Variants in CSMD2 observed in about 807,000 individuals in gnomAD.
The protein encoded by CSMD2 is CUB and sushi domain-containing protein 2.
Under a neutral mutation model 398.5 loss-of-function variants are expected in CSMD2, and 130 were observed. That is an observed-to-expected ratio of 0.33 (90% confidence interval 0.28 to 0.38). CSMD2 has a LOEUF of 0.38. Among genes scored for constraint, CSMD2 ranks in the 10% least tolerant of loss-of-function variants. The pLI, the probability that CSMD2 is intolerant of heterozygous loss-of-function variation, is 1.00. For synonymous variants in CSMD2, 1,828 were observed against 1,908.5 expected, an observed-to-expected ratio of 0.96 and a Z score of 1.10; for missense variants, 3,829 against 4,764.9, an observed-to-expected ratio of 0.80 and a Z score of 5.78.
intron 1 of CSMD2, among the ~76,000 whole-genome samples, chr1:34,151,543 G>A (rs1640321661): frequency 6.6e-6 from 1 of 152,122 alleles, no homozygotes; most frequent in East Asian, 1.9e-4. Flanking sequence ...TTCTTGGGAA[G>A]TAGCAGGACT....
chr1:33,887,833 A>G (rs1038735431), intron 5 of CSMD2, among the ~76,000 whole-genome samples: 2 of 152,176 alleles, frequency 1.3e-5, no homozygotes, highest in African/African-American at 2.4e-5. Flanking sequence ...CATTACTTGC[A>G]GCTAATATGA....
chr1:33,792,094 T>C (rs1654390387), intron 11 of CSMD2, among the ~76,000 whole-genome samples: 1 of 152,172 alleles, frequency 6.6e-6, no homozygotes, highest in Admixed American at 6.5e-5. Context: ...GAGTAAAAAC[T>C]GTCAGGGTGG....
chr1:33,534,662 A>G (rs1655592730), intron 62 of CSMD2, among the ~76,000 whole-genome samples: 1 of 152,156 alleles, frequency 6.6e-6, no homozygotes, highest in African/African-American at 2.4e-5. Flanking sequence ...ATGTGTCCCT[A>G]TTACCTACTG....
intron 3 of CSMD2, among the ~76,000 whole-genome samples, chr1:33,970,019 T>C (rs529783147): frequency 1.3e-5 from 2 of 151,826 alleles, no homozygotes; most frequent in East Asian, 1.9e-4. Context: ...GGCAGGACAA[T>C]TGCTTGAACC....
intron 3 of CSMD2, among the ~76,000 whole-genome samples, chr1:33,967,373 G>C (rs940635973): frequency 2.0e-5 from 3 of 151,986 alleles, no homozygotes; most frequent in Non-Finnish European, 4.4e-5. Flanking sequence ...CACACAGGTA[G>C]ACATCCACAC....
chr1:33,877,395 G>A (rs953483800), intron 5 of CSMD2, among the ~76,000 whole-genome samples: 5 of 152,246 alleles, frequency 3.3e-5, no homozygotes, highest in South Asian at 2.1e-4. Flanking sequence ...TCGCACTGGG[G>A]GAGATGAGGG....
intron 28 of CSMD2, among the ~76,000 whole-genome samples, chr1:33,648,451 T>C (rs1274285023): frequency 2.6e-5 from 4 of 151,110 alleles, no homozygotes; most frequent in Non-Finnish European, 4.4e-5. Flanking sequence ...GAACAGGAGA[T>C]GGAACATGGA....
intron 3 of CSMD2, among the ~76,000 whole-genome samples, chr1:33,965,483 G>A (rs1317481714): frequency 2.0e-5 from 3 of 152,136 alleles, no homozygotes; most frequent in Non-Finnish European, 4.4e-5. Flanking sequence ...CCAAGGCCAC[G>A]GGGTAAGTGT....
intron 24 of CSMD2, among the ~76,000 whole-genome samples, chr1:33,694,531 A>C (rs1198317264): frequency 6.6e-6 from 1 of 152,168 alleles, no homozygotes; most frequent in Non-Finnish European, 1.5e-5. Context: ...TATAAGTTCC[A>C]TCAGAACTTA....
chr1:34,157,278 G>A (rs1640890523), intron 1 of CSMD2, among the ~76,000 whole-genome samples: 1 of 152,118 alleles, frequency 6.6e-6, no homozygotes, highest in Non-Finnish European at 1.5e-5. Context: ...ACAAAGTCCT[G>A]GTCAGGAAGA....
At chr1:34,071,536 T>C (rs370247460) in intron 2 of CSMD2, among the ~76,000 whole-genome samples, 27 of 152,302 alleles carry the variant, frequency 1.8e-4, no homozygotes, top group African/African-American at 6.0e-4. Context: ...CAGGGAAAGA[T>C]AGAAAGAGAG....
intron 13 of CSMD2, among the ~76,000 whole-genome samples, chr1:33,767,068 C>T (rs1210868242): frequency 6.6e-6 from 1 of 152,112 alleles, no homozygotes; most frequent in Non-Finnish European, 1.5e-5. Context: ...CTCATTATAG[C>T]CTTATATAAA....
rs969599370 is a variant in CSMD2, at chr1:33,638,061, C to T, written c.4775-1507G>A. 1.1e-4 allele frequency among the ~76,000 whole-genome samples: 17 copies of T among 152,122 alleles called. No individual in the cohort carries two copies. In the South Asian group the frequency reaches 1.2e-3, roughly 11 times the overall value. Reference sequence around the variant, plus strand: ...TGTGAGAAGATCCTGCACCTTAAGTCGTTGCCCGCAGCTGAGAGTGGAGCA... The same window carrying T: ...TGTGAGAAGATCCTGCACCTTAAGTTGTTGCCCGCAGCTGAGAGTGGAGCA... On this transcript the variant is annotated intron_variant, in intron 29 of 70. Coordinates refer to ENST00000373381, the MANE Select transcript of CSMD2 (RefSeq NM_001281956.2).
chr1:33,611,286 AAC>A, intron 40 of CSMD2, 36 bp from the exon 41 acceptor site: 3 of 1,561,428 alleles, frequency 1.9e-6, no homozygotes, highest in South Asian at 2.2e-5. Context: ...TGCCCAAAGC[AAC>A]ACAGTCCTGC....
intron 3 of CSMD2, among the ~76,000 whole-genome samples, chr1:34,011,398 T>C (rs1228234308): frequency 6.6e-6 from 1 of 152,144 alleles, no homozygotes; most frequent in East Asian, 1.9e-4. Context: ...CCATTTGCTC[T>C]GAGGTGAGGT....
At chr1:33,993,120 ATATCTC>A (rs550122099) in intron 3 of CSMD2, among the ~76,000 whole-genome samples, 117 of 152,276 alleles carry the variant, frequency 7.7e-4, no homozygotes, top group South Asian at 1.9e-3. Context: ...GTCTATGTAT[ATATCTC>A]TATCTAGATA....
At chr1:33,730,501 T>A (rs1646683967) in intron 15 of CSMD2, among the ~76,000 whole-genome samples, 1 of 151,446 alleles carries the variant, frequency 6.6e-6, no homozygotes, top group Non-Finnish European at 1.5e-5. Context: ...CAGAGTGAAA[T>A]AAATGAATGC....
intron 4 of CSMD2, among the ~76,000 whole-genome samples, chr1:33,930,218 AT>A (rs1285037864): frequency 6.6e-6 from 1 of 152,238 alleles, no homozygotes; most frequent in East Asian, 1.9e-4. Flanking sequence ...AGCCAAGTGA[AT>A]AAAATGAGGA....
In CSMD2 at chr1:33,589,209, T is replaced by G. The variant is rs566459430; in HGVS notation, c.6857-2041A>C. On this transcript the variant is annotated intron_variant, in intron 44 of 70. Coordinates refer to ENST00000373381, the MANE Select transcript of CSMD2 (RefSeq NM_001281956.2). ...GAAGGCCACGTCCACACTTGCTGCA[T>G]GCTTCCACTTTGCCCTCCAGGAAAA... Among the ~76,000 whole-genome samples the G allele has an allele frequency of 2.0e-5, 3 of 152,348 alleles. No individual in the cohort carries two copies. In the East Asian group the frequency reaches 5.8e-4, roughly 29 times the overall value.
Sources: allele counts gnomAD v4.1 joint callset (sites outside exome capture counted in the v4.1 genomes callset), GRCh38; gene constraint gnomAD v4.1.1; transcripts MANE v1.5; gene names NCBI Gene and HGNC (gene_info 2026-07-23, HGNC 2026-07-21).